Variants in ROBO1 observed in about 807,000 individuals in gnomAD.
ROBO1 encodes roundabout guidance receptor 1.
In ROBO1, 149 loss-of-function variants were observed where a neutral mutation model predicts 195.9. That is an observed-to-expected ratio of 0.76 (90% CI 0.67 to 0.87). The LOEUF (loss-of-function observed/expected upper bound fraction) is 0.87. Ranked by LOEUF, ROBO1 falls within the 40% of genes least tolerant of loss-of-function variation. ROBO1 has a pLI of 0.00. For synonymous variants in ROBO1, 816 were observed against 733.2 expected (o/e 1.11, Z -1.82); for missense variants, 1,933 against 2,068.3 (o/e 0.93, Z 1.27).
intron 2 of ROBO1, among the ~76,000 whole-genome samples, chr3:79,429,099 A>G (rs1465408032): frequency 6.6e-6 from 1 of 152,188 alleles, no homozygotes; most frequent in African/African-American, 2.4e-5. Flanking sequence ...AGTAACTTTT[A>G]CTGTATGTAA....
intron 2 of ROBO1, among the ~76,000 whole-genome samples, chr3:79,337,271 T>C (rs980802234): frequency 2.0e-5 from 3 of 152,198 alleles, no homozygotes; most frequent in Non-Finnish European, 4.4e-5. Context: ...TGGAATGATA[T>C]GGATTGTCTG....
At chr3:79,283,405 C>G (rs1246747332) in intron 2 of ROBO1, among the ~76,000 whole-genome samples, 1 of 152,154 alleles carries the variant, frequency 6.6e-6, no homozygotes, top group Admixed American at 6.5e-5. Context: ...ATTCTATTTC[C>G]TTCAATGGGT....
intron 2 of ROBO1, among the ~76,000 whole-genome samples, chr3:79,302,022 C>T (rs1339431091): frequency 6.6e-6 from 1 of 152,100 alleles, no homozygotes; most frequent in Non-Finnish European, 1.5e-5. Context: ...CACAAGACTC[C>T]AATCAGAAGA....
chr3:79,654,281 A>G (rs1016912058), intron 1 of ROBO1, among the ~76,000 whole-genome samples: 1 of 152,034 alleles, frequency 6.6e-6, no homozygotes. Context: ...TTGACAAACT[A>G]CAAAATAAAA....
intron 2 of ROBO1, among the ~76,000 whole-genome samples, chr3:79,321,721 G>A (rs2033988739): frequency 6.6e-6 from 1 of 152,104 alleles, no homozygotes; most frequent in African/African-American, 2.4e-5. Context: ...CTACAAGTAG[G>A]ACTGATTCCT....
rs554155610 is a variant in ROBO1, at chr3:79,595,767, A to T, written c.-50-5806T>A. Among the ~76,000 whole-genome samples the T allele has an allele frequency of 7.4e-5, 11 of 148,216 alleles. No homozygotes were observed. The South Asian group carries it at 2.2e-3, about 29-fold the overall frequency. On this transcript the variant is annotated intron_variant, in intron 1 of 30. Coordinates refer to ENST00000464233, the MANE Select transcript of ROBO1 (RefSeq NM_002941.4). ...CGATATAGAGCCTATGTTGCCCAAGATGGTCTCGAACTTCTGGCCTCAAGA... is the reference window on the plus strand; with the variant it reads ...CGATATAGAGCCTATGTTGCCCAAGTTGGTCTCGAACTTCTGGCCTCAAGA...
At chr3:78,855,558 T>G (rs2034363656) in intron 4 of ROBO1, among the ~76,000 whole-genome samples, 1 of 152,184 alleles carries the variant, frequency 6.6e-6, no homozygotes, top group African/African-American at 2.4e-5. Flanking sequence ...TCATAAGTAT[T>G]CAAATTAGAT....
rs538506408 is a variant in ROBO1, at chr3:78,614,772, G to C, written c.4311C>G (p.Cys1437Trp). The C allele has an allele frequency of 1.1e-4, 170 of 1,611,842 alleles. No individual in the cohort carries two copies. In the South Asian group the frequency reaches 1.4e-3, roughly 14 times the overall value. The change falls in exon 28 of 31, where the codon TGC (cysteine) becomes TGG (tryptophan). Residue 1437 changes from cysteine (C) to tryptophan (W), a missense_variant. This residue lies in a region of ROBO1 where 1,737 missense variants were observed against 1,882.5 expected (regional missense o/e 0.92). Coordinates refer to ENST00000464233, the MANE Select transcript of ROBO1 (RefSeq NM_002941.4). ...TAGACACGGGACTTGTGGGCCTAGGGCACTGAGACGCATGAAAATGTCGAC... is the reference window on the plus strand; with the variant it reads ...TAGACACGGGACTTGTGGGCCTAGGCCACTGAGACGCATGAAAATGTCGAC... ...AGRRHFHASQ[C>W]PRPTSPVSTD...
At chr3:78,844,781 T>TG (rs1299266043) in intron 4 of ROBO1, among the ~76,000 whole-genome samples, 1 of 152,130 alleles carries the variant, frequency 6.6e-6, no homozygotes, top group East Asian at 1.9e-4. Flanking sequence ...GTGAATAATA[T>TG]GGACGTTAGG....
intron 2 of ROBO1, among the ~76,000 whole-genome samples, chr3:79,444,163 A>G (rs1391314221): frequency 6.6e-6 from 1 of 152,094 alleles, no homozygotes; most frequent in Non-Finnish European, 1.5e-5. Flanking sequence ...GATATTGAGA[A>G]TTTCTTTTCA....
intron 2 of ROBO1, among the ~76,000 whole-genome samples, chr3:79,552,271 A>C (rs551801879): frequency 1.3e-5 from 2 of 152,194 alleles, no homozygotes; most frequent in South Asian, 4.1e-4. Flanking sequence ...TTAACATATT[A>C]AAGATGCAGA....
chr3:79,742,149 G>A (rs774944619), intron 1 of ROBO1, among the ~76,000 whole-genome samples: 2 of 152,214 alleles, frequency 1.3e-5, no homozygotes, highest in Non-Finnish European at 2.9e-5. Context: ...TTTCTGGGGA[G>A]AAATTCAAGC....
intron 1 of ROBO1, among the ~76,000 whole-genome samples, chr3:79,674,165 A>G (rs1946714342): frequency 6.6e-6 from 1 of 152,058 alleles, no homozygotes; most frequent in African/African-American, 2.4e-5. Context: ...TGATATTCAG[A>G]TTAACAAAGG....
At chr3:79,255,574 A>C (rs1295672867) in intron 2 of ROBO1, among the ~76,000 whole-genome samples, 2 of 152,180 alleles carry the variant, frequency 1.3e-5, no homozygotes, top group Non-Finnish European at 2.9e-5. Context: ...TAAGCAAAAC[A>C]AAATTATTCT....
chr3:79,611,971 C>T (rs1000322595), intron 1 of ROBO1, among the ~76,000 whole-genome samples: 26 of 151,670 alleles, frequency 1.7e-4, no homozygotes, highest in African/African-American at 6.0e-4. Context: ...TTTCAGTTTC[C>T]ATGGATATAA....
At chr3:79,581,762 A>T (rs1282120991) in intron 2 of ROBO1, among the ~76,000 whole-genome samples, 1 of 152,170 alleles carries the variant, frequency 6.6e-6, no homozygotes, top group African/African-American at 2.4e-5. Flanking sequence ...ATATTTAAGT[A>T]AAAGCTCAAG....
At chr3:79,593,864 G>A (rs762087887) in intron 1 of ROBO1, among the ~76,000 whole-genome samples, 3 of 151,890 alleles carry the variant, frequency 2.0e-5, no homozygotes, top group Non-Finnish European at 4.4e-5. Context: ...GGATCTGCCC[G>A]CTTTGGCCTC....
chr3:79,125,250 A>G (rs1302936713), intron 3 of ROBO1, among the ~76,000 whole-genome samples: 1 of 152,240 alleles, frequency 6.6e-6, no homozygotes, highest in Non-Finnish European at 1.5e-5. Flanking sequence ...AAGAATGATT[A>G]CAGTTTCCAT....
intron 2 of ROBO1, among the ~76,000 whole-genome samples, chr3:79,310,193 T>A (rs1168744438): frequency 6.6e-6 from 1 of 152,162 alleles, no homozygotes; most frequent in Non-Finnish European, 1.5e-5. Flanking sequence ...TACTGGACCA[T>A]AACATGTCTG....
Sources: gnomAD v4.1 joint callset for allele counts (sites outside exome capture counted in the v4.1 genomes callset) on GRCh38, gnomAD v4.1.1 for gene constraint, gnomAD v4.1.1 regional missense constraint, MANE v1.5 for transcripts, NCBI Gene and HGNC (gene_info 2026-07-23, HGNC 2026-07-21) for gene names.